The following OLFML2A variants were observed in gnomAD, a reference collection of about 807,000 sequenced individuals.
OLFML2A encodes the protein olfactomedin like 2A.
A neutral mutation model predicts 60.9 loss-of-function variants in OLFML2A; 47 were observed. That is an observed-to-expected ratio of 0.77 (90% confidence interval 0.61 to 0.98). The LOEUF (loss-of-function observed/expected upper bound fraction) is 0.98, where lower values mean the gene tolerates loss of function less well. Ranked by LOEUF, OLFML2A falls within the 50% of genes least tolerant of loss-of-function variation. The pLI is 0.00. For missense variants in OLFML2A, 922 were observed against 879.8 expected (o/e 1.05, Z -0.61); for synonymous variants, 372 against 375.0 (o/e 0.99, Z 0.09).
chr9:124,782,195 C>T (rs62581859), intron 1 of OLFML2A, among the ~76,000 whole-genome samples: 40 of 152,356 alleles, frequency 2.6e-4, no homozygotes, highest in Non-Finnish European at 4.6e-4. Context: ...AAGCCCCTGC[C>T]TGGTGACTGT....
intron 2 of OLFML2A, among the ~76,000 whole-genome samples, chr9:124,788,336 A>C (rs1374378633): frequency 6.6e-6 from 1 of 150,746 alleles, no homozygotes; most frequent in Non-Finnish European, 1.5e-5. Flanking sequence ...GGCCGGGTGC[A>C]GTGGCTCATG....
At chr9:124,802,650 A>G (rs7866620) in intron 5 of OLFML2A, among the ~76,000 whole-genome samples, 117,887 of 152,222 alleles carry the variant, frequency 0.77, 46,186 homozygotes, top group East Asian at 0.91. Context: ...GGGAACAGGC[A>G]CCCTGCCCTG....
rs1283238415 is a variant in OLFML2A at position 124,777,612 on chromosome 9, G to A, written c.90+252G>A. Among the ~76,000 whole-genome samples, 1 of 152,202 alleles carries A rather than the reference G, an allele frequency of 6.6e-6. No homozygotes were observed. Among genetic ancestry groups the A allele is most frequent in the East Asian group, 1.9e-4 (1 of 5,172 alleles). On this transcript the variant is annotated intron_variant, in intron 1 of 7. Transcript: ENST00000373580. The surrounding 1 kb of genome is among the most constrained non-coding windows in gnomAD (Gnocchi z 6.2). The stretch of plus-strand genomic sequence containing the variant: ...GCCTGAGGAAGGGGCGCTGGGACCG[G>A]GTCCGATTCCCGGAGGGGTCGGGGG...
At chr9:124,791,458 C>G (rs1588881848) in intron 2 of OLFML2A, among the ~76,000 whole-genome samples, 1 of 152,052 alleles carries the variant, frequency 6.6e-6, no homozygotes, top group Admixed American at 6.6e-5. Context: ...TGAGGCAGGC[C>G]AGGCGCAGTG....
At chr9:124,802,540 C>T (rs1841797963) in intron 5 of OLFML2A, among the ~76,000 whole-genome samples, 1 of 152,250 alleles carries the variant, frequency 6.6e-6, no homozygotes, top group Admixed American at 6.5e-5. Context: ...TGGCCCAAGC[C>T]CTGCCAGCTT....
At chr9:124,783,091 C>T (rs541254107) in intron 1 of OLFML2A, among the ~76,000 whole-genome samples, 177 of 152,110 alleles carry the variant, frequency 1.2e-3, no homozygotes, top group African/African-American at 4.0e-3. Context: ...CTTCACCCAC[C>T]GAGAGGCCAG....
chr9:124,788,253 G>T (rs1438532757), intron 2 of OLFML2A, among the ~76,000 whole-genome samples: 4 of 150,684 alleles, frequency 2.7e-5, no homozygotes, highest in Non-Finnish European at 4.4e-5. Flanking sequence ...AGTGAGCTGA[G>T]ATCTCACCAC....
rs751901964 is a variant in OLFML2A at position 124,809,913 on chromosome 9, T to A, written c.1460T>A (p.Ile487Asn). 1.8e-5 allele frequency: 29 copies of A among 1,614,040 alleles called. No individual in the cohort carries two copies. The highest frequency in any genetic ancestry group is 2.5e-5 in the Non-Finnish European group (29 of 1,180,016). ...AACCGCGCCTTCACCAAGAACATCA[T>A]CAAGTACGACCTACGGCAGCGCTTC... ...YYNRAFTKNI[I>N]KYDLRQRFVA... The change falls in exon 8 of 8, where the codon ATC becomes AAC. Residue 487 changes from isoleucine (I) to asparagine (N), a missense_variant. Physicochemically the swap from Ile to Asn is moderately radical, Grantham distance 149. Transcript: ENST00000373580.
chr9:124,783,699 G>T (rs1446261198), intron 1 of OLFML2A, among the ~76,000 whole-genome samples: 1 of 152,174 alleles, frequency 6.6e-6, no homozygotes, highest in Non-Finnish European at 1.5e-5. Context: ...CAAAATGCAG[G>T]CTCATTTACC....
intron 5 of OLFML2A, among the ~76,000 whole-genome samples, chr9:124,803,557 G>A (rs7870995): frequency 0.64 from 97,722 of 152,094 alleles, 31,968 homozygotes; most frequent in South Asian, 0.76. Context: ...CAGCCACTGC[G>A]CCCAACCCTC....
chr9:124,805,034 A>T (rs1841863266), intron 6 of OLFML2A, among the ~76,000 whole-genome samples: 1 of 152,176 alleles, frequency 6.6e-6, no homozygotes, highest in Admixed American at 6.5e-5. Flanking sequence ...TCTTCTTAAA[A>T]TGTCACCTAG....
chr9:124,806,936 C>T (rs185446780), intron 6 of OLFML2A, among the ~76,000 whole-genome samples: 20 of 151,192 alleles, frequency 1.3e-4, no homozygotes, highest in East Asian at 5.9e-4. Flanking sequence ...TTTTTTGAGG[C>T]GGTGTCTTGC....
At chr9:124,804,798 C>A (rs1280266445) in intron 6 of OLFML2A, among the ~76,000 whole-genome samples, 1 of 151,852 alleles carries the variant, frequency 6.6e-6, no homozygotes, top group Non-Finnish European at 1.5e-5. Context: ...AACCTCCATC[C>A]CCCGGGTTCA....
In OLFML2A at chr9:124,810,268, C is replaced by T. The variant is rs771089561; in HGVS notation, c.1815C>T (p.His605=). 3 of 1,611,598 alleles carry T rather than the reference C, an allele frequency of 1.9e-6. No individual in the cohort carries two copies. The highest frequency in any genetic ancestry group is 1.1e-5 in the South Asian group (1 of 91,088). The change falls in exon 8 of 8, where the codon CAC becomes CAT. Residue 605 remains histidine, a synonymous_variant. Transcript: ENST00000373580. ...EGQVAYAFDT[H]TGTDARPQLP... ...AGGTCGCCTACGCTTTCGACACGCA[C>T]ACGGGCACCGACGCACGCCCCCAGC...
chr9:124,778,815 CA>C (rs112508575), intron 1 of OLFML2A: 1,264 of 192,548 alleles, frequency 6.6e-3, no homozygotes, highest in Non-Finnish European at 0.01. Flanking sequence ...ACAAAACAAA[CA>C]AAAAAAAAAA....
chr9:124,804,203 G>C lies in OLFML2A; in HGVS notation c.1029G>C (p.Arg343Ser). ...CAGAGCAGGATGAGGCTGAGCCCAGGTCCTCCGAGCGAGTGGACCTGGCTT... is the reference window on the plus strand; with the variant it reads ...CAGAGCAGGATGAGGCTGAGCCCAGCTCCTCCGAGCGAGTGGACCTGGCTT... ...NSAEQDEAEP[R>S]SSERVDLASG... Residue 343 changes from arginine (R) to serine (S), a missense_variant, in exon 6 of 8, where the codon AGG becomes AGC. By Grantham distance (110) the Arg-to-Ser change is moderately radical (BLOSUM62 -1). Coordinates refer to ENST00000373580, the MANE Select transcript of OLFML2A (RefSeq NM_182487.4). 1 of 1,614,040 alleles carries C rather than the reference G, an allele frequency of 6.2e-7. No individual in the cohort carries two copies. Among genetic ancestry groups the C allele is most frequent in the Non-Finnish European group, 8.5e-7 (1 of 1,180,000 alleles).
At chr9:124,802,695 C>A (rs1306019623) in intron 5 of OLFML2A, among the ~76,000 whole-genome samples, 7 of 152,218 alleles carry the variant, frequency 4.6e-5, no homozygotes. Flanking sequence ...CTGTGGTCCT[C>A]CTCGACCAGG....
chr9:124,808,877 C>T (rs745358060), intron 7 of OLFML2A, among the ~76,000 whole-genome samples: 5 of 151,978 alleles, frequency 3.3e-5, no homozygotes, highest in South Asian at 2.1e-4. Context: ...TGGAACAGGC[C>T]GGGCGTGGTG....
chr9:124,800,943 A>G, intron 4 of OLFML2A: 1 of 1,544,016 alleles, frequency 6.5e-7, no homozygotes, highest in Non-Finnish European at 8.8e-7. Flanking sequence ...TCCAGGATGC[A>G]GCACTTTCAG....
Sources: gnomAD v4.1 joint callset for allele counts (sites outside exome capture counted in the v4.1 genomes callset) on GRCh38, gnomAD v4.1.1 for gene constraint, Gnocchi (gnomAD v3.1) non-coding constraint, MANE v1.5 for transcripts, NCBI Gene and HGNC (gene_info 2026-07-23, HGNC 2026-07-21) for gene names.